The following CTNNAL1 variants were observed in gnomAD, a reference collection of about 807,000 sequenced individuals.
The protein encoded by CTNNAL1 is catenin alpha like 1.
Under a neutral mutation model 93.6 loss-of-function variants are expected in CTNNAL1, and 69 were observed. That is an observed-to-expected ratio of 0.74 (90% CI 0.61 to 0.90). The LOEUF (loss-of-function observed/expected upper bound fraction) is 0.90, where lower values mean the gene tolerates loss of function less well. Ranked by LOEUF, CTNNAL1 falls within the 40% of genes least tolerant of loss-of-function variation. The pLI is 0.00. For missense variants in CTNNAL1, 836 were observed against 862.0 expected (o/e 0.97, Z 0.38); for synonymous variants, 286 against 305.4 (o/e 0.94, Z 0.66).
chr9:108,981,464 CAA>C (rs56666676), intron 6 of CTNNAL1, among the ~76,000 whole-genome samples: 1 of 136,116 alleles, frequency 7.3e-6, no homozygotes. Flanking sequence ...CTCTCCTCCT[CAA>C]AAAAAAAAGA....
chr9:108,972,864 G>GGGCCCCCCCCC, intron 8 of CTNNAL1, 31 bp from the exon 9 acceptor site: 93 of 142,028 alleles, frequency 6.5e-4, no homozygotes, highest in Non-Finnish European at 8.8e-4. Flanking sequence ...GGGGGGGTGG[G>GGGCCCCCCCCC]AGGGTGGAGA....
intron 8 of CTNNAL1, 35 bp from the exon 9 acceptor site, chr9:108,972,868 G>GCCCACGGGT: frequency 1.8e-6 from 2 of 1,092,790 alleles, no homozygotes; most frequent in Non-Finnish European, 2.5e-6. Context: ...GGGTGGGAGG[G>GCCCACGGGT]TGGAGAAGGA....
chr9:108,969,269 C>CA (rs112028531), intron 10 of CTNNAL1, among the ~76,000 whole-genome samples: 10,846 of 129,892 alleles, frequency 0.084, 501 homozygotes, highest in African/African-American at 0.13. Context: ...GACTCCGTCT[C>CA]AAAAAAAAAA....
intron 6 of CTNNAL1, among the ~76,000 whole-genome samples, chr9:108,980,394 G>A (rs908627498): frequency 2.6e-5 from 4 of 152,128 alleles, no homozygotes; most frequent in African/African-American, 4.8e-5. Flanking sequence ...GGCAACAAGC[G>A]GTAATGATCA....
chr9:109,006,873 T>C (rs1178079446), intron 1 of CTNNAL1, among the ~76,000 whole-genome samples: 1 of 152,216 alleles, frequency 6.6e-6, no homozygotes, highest in Non-Finnish European at 1.5e-5. Flanking sequence ...TGTGGCAAGC[T>C]ATCTGACCTT....
chr9:108,984,311 T>C (rs1242617132), intron 5 of CTNNAL1, 36 bp downstream of exon 5: 2 of 1,046,566 alleles, frequency 1.9e-6, no homozygotes, highest in Non-Finnish European at 2.9e-6. Flanking sequence ...GTTCTAATTA[T>C]TAATTTATTA....
chr9:109,003,955 T>G (rs576027678), intron 1 of CTNNAL1, among the ~76,000 whole-genome samples: 2 of 152,312 alleles, frequency 1.3e-5, no homozygotes, highest in Admixed American at 1.3e-4. Flanking sequence ...GAAGTCTCAT[T>G]CCCCTCTCCT....
intron 1 of CTNNAL1, among the ~76,000 whole-genome samples, chr9:109,005,357 T>C (rs565578891): frequency 6.6e-6 from 1 of 152,124 alleles, no homozygotes; most frequent in Non-Finnish European, 1.5e-5. Flanking sequence ...TTGCTATAGA[T>C]TGAATGTTTG....
chr9:109,002,529 T>C (rs1216113821), intron 1 of CTNNAL1, among the ~76,000 whole-genome samples: 3 of 152,126 alleles, frequency 2.0e-5, no homozygotes, highest in Non-Finnish European at 2.9e-5. Context: ...AGGGAGAATA[T>C]ATACCGATGA....
At position 108,943,960 on chromosome 9, in the gene CTNNAL1, A is replaced by G. The variant is rs1367424328; in HGVS notation, c.1941+2T>C. 1 of 1,613,248 alleles carries G rather than the reference A, an allele frequency of 6.2e-7. No individual in the cohort carries two copies. Among genetic ancestry groups the G allele is most frequent in the Non-Finnish European group, 8.5e-7 (1 of 1,179,644 alleles). ...AGCTCCAGGTAGGTAGACATGTGTTACCTGTTTTGAAAAAGCTTGAACACT... is the reference window on the plus strand; with the variant it reads ...AGCTCCAGGTAGGTAGACATGTGTTGCCTGTTTTGAAAAAGCTTGAACACT... On this transcript the variant is annotated splice_donor_variant, in intron 16 of 18. Coordinates refer to ENST00000325551, the MANE Select transcript of CTNNAL1 (RefSeq NM_003798.4). LOFTEE classifies it high-confidence loss of function.
intron 12 of CTNNAL1, among the ~76,000 whole-genome samples, chr9:108,955,267 T>G (rs1292651265): frequency 6.6e-6 from 1 of 152,304 alleles, no homozygotes; most frequent in East Asian, 1.9e-4. Flanking sequence ...ATTACAGGCA[T>G]AAGACACCGT....
intron 12 of CTNNAL1, among the ~76,000 whole-genome samples, 185 bp downstream of exon 12, chr9:108,955,605 T>C (rs2132101505): frequency 6.6e-6 from 1 of 152,266 alleles, no homozygotes; most frequent in African/African-American, 2.4e-5. Flanking sequence ...CTAAAACAAA[T>C]ATTCAGAGTG....
intron 14 of CTNNAL1, 124 bp downstream of exon 14, chr9:108,952,085 T>G (rs1268600574): frequency 1.4e-6 from 1 of 740,270 alleles, no homozygotes; most frequent in Non-Finnish European, 2.1e-6. Context: ...TAGTAACTAC[T>G]TTTAGTCTTT....
intron 10 of CTNNAL1, among the ~76,000 whole-genome samples, chr9:108,965,877 T>C (rs1340932329): frequency 6.6e-6 from 1 of 151,958 alleles, no homozygotes; most frequent in African/African-American, 2.4e-5. Context: ...GTATACAGAG[T>C]AGCAAAGGTA....
rs1961793 is a variant in CTNNAL1, at chr9:109,003,106, T to G, written c.142-3850A>C. 4.7e-3 allele frequency among the ~76,000 whole-genome samples: 720 copies of G among 152,218 alleles called. 6 individuals carry two copies. The highest frequency in any genetic ancestry group is 0.016 in the African/African-American group (685 of 41,534). ...AAGCATCTAAAGATGAAGCTAAGGGTACGACTATAAAATCTTAAGATCTCA... is the reference window on the plus strand; with the variant it reads ...AAGCATCTAAAGATGAAGCTAAGGGGACGACTATAAAATCTTAAGATCTCA... On this transcript the variant is annotated intron_variant, in intron 1 of 18. Coordinates refer to ENST00000325551, the MANE Select transcript of CTNNAL1 (RefSeq NM_003798.4).
rs371380715 is a variant in CTNNAL1 at position 108,992,644 on chromosome 9, T to A, written c.507A>T (p.Thr169=). Residue 169 remains threonine, a synonymous_variant, in exon 3 of 19, where the codon ACA becomes ACT. Coordinates refer to ENST00000325551, the MANE Select transcript of CTNNAL1 (RefSeq NM_003798.4). ...GAAAGGTAAGTACCTTATTTCTTGA[T>A]GTTATTATCTGTTTAATGACTACTC... The part of the protein sequence containing the change: ...ADRVVIKQII[T]SRNKVLATME... 166 of 1,608,680 alleles carry A rather than the reference T, an allele frequency of 1.0e-4. No individual in the cohort carries two copies. The highest frequency in any genetic ancestry group is 6.6e-4 in the Middle Eastern group (4 of 6,032).
intron 8 of CTNNAL1, 31 bp from the exon 9 acceptor site, chr9:108,972,864 G>GGGGGGGGGGGGGGGGGCCCCCCCCCC: frequency 1.4e-5 from 2 of 142,550 alleles, no homozygotes; most frequent in Non-Finnish European, 1.0e-5. Flanking sequence ...GGGGGGGTGG[G>GGGGGGGGGGGGGGGGGCCCCCCCCCC]AGGGTGGAGA....
chr9:108,977,190 T>A, intron 7 of CTNNAL1, 142 bp from the exon 8 acceptor site: 1 of 410,206 alleles, frequency 2.4e-6, no homozygotes, highest in Non-Finnish European at 4.3e-6. Context: ...TTTACCTGTT[T>A]AAGTTACAGT....
intron 7 of CTNNAL1, among the ~76,000 whole-genome samples, chr9:108,978,378 C>G (rs1831324303): frequency 6.6e-6 from 1 of 152,226 alleles, no homozygotes; most frequent in African/African-American, 2.4e-5. Flanking sequence ...AATCTACTTA[C>G]AAGGAAATCA....
Sources: allele counts gnomAD v4.1 joint callset (sites outside exome capture counted in the v4.1 genomes callset), GRCh38; gene constraint gnomAD v4.1.1; transcripts MANE v1.5; gene names NCBI Gene and HGNC (gene_info 2026-07-23, HGNC 2026-07-21).